CARD8: variants seen among roughly 807,000 people sequenced by gnomAD.
The protein encoded by CARD8 is caspase recruitment domain family member 8, also known as caspase recruitment domain-containing protein 8.
A neutral mutation model predicts 53.2 loss-of-function variants in CARD8; 38 were observed. The ratio of observed to expected loss-of-function variants is 0.71; its 90% CI spans 0.55 to 0.94. The LOEUF is 0.94. CARD8 is among the 40% of genes least tolerant of loss of function. The pLI, the probability that CARD8 is intolerant of heterozygous loss-of-function variation, is 0.00. For synonymous variants in CARD8, 245 were observed against 244.9 expected (o/e 1.00, Z 0.00); for missense variants, 561 against 655.5 (o/e 0.86, Z 1.57).
intron 12 of CARD8, among the ~76,000 whole-genome samples, chr19:48,218,008 T>C (rs915868587): frequency 4.6e-5 from 7 of 152,226 alleles, no homozygotes; most frequent in African/African-American, 1.7e-4. Context: ...TTATGTTTCT[T>C]CTGACTCTTA....
rs534991735 is a variant in CARD8, at chr19:48,243,307, CT to C, written c.-43-2245del. 3.6e-3 allele frequency among the ~76,000 whole-genome samples: 554 copies of C among 152,312 alleles called. 6 individuals carry two copies. Among genetic ancestry groups the C allele is most frequent in the African/African-American group, 0.012 (485 of 41,576 alleles). On this transcript the variant is annotated intron_variant, in intron 3 of 13. Coordinates refer to ENST00000651546, the MANE Select transcript of CARD8 (RefSeq NM_001184900.3). ...GGATTACAGACGTGAGCCATTGCCCCTGGCCCAGAGAAATAATCTAAAGATT... is the reference window on the plus strand; with the variant it reads ...GGATTACAGACGTGAGCCATTGCCCCGGCCCAGAGAAATAATCTAAAGATT...
intron 13 of CARD8, among the ~76,000 whole-genome samples, chr19:48,213,849 C>G (rs2038586154): frequency 1.3e-5 from 2 of 152,208 alleles, no homozygotes; most frequent in Admixed American, 1.3e-4. Context: ...GAAGAGCCAA[C>G]ACATTGTTAT....
At chr19:48,234,107 T>A in intron 6 of CARD8, 1 of 254,280 alleles carries the variant, frequency 3.9e-6, no homozygotes, top group Non-Finnish European at 7.5e-6. Flanking sequence ...GCCAGTTTCC[T>A]AGAGAATTAG....
Position 48,241,031 on chromosome 19 carries a change from T to A in CARD8, c.-11A>T. 6.5e-7 allele frequency: 1 copy of A among 1,533,634 alleles called. No individual in the cohort carries two copies. Among genetic ancestry groups the A allele is most frequent in the African/African-American group, 1.4e-5 (1 of 73,068 alleles). ...CTCCTTTTTTTCCATTTGTCAAATG[T>A]GGTATTTATGTCTTTACTGTATCTT... is the stretch of plus-strand genomic sequence containing the variant. On this transcript the variant is annotated 5_prime_UTR_variant, in exon 4 of 14. Transcript: ENST00000651546.
At chr19:48,255,093 C>T (rs1568973988) in intron 1 of CARD8, among the ~76,000 whole-genome samples, 1 of 152,140 alleles carries the variant, frequency 6.6e-6, no homozygotes, top group Admixed American at 6.5e-5. Flanking sequence ...TCCGGCTGGG[C>T]GCAGTGGCTC....
chr19:48,204,085 G>T (rs1034385653), downstream of CARD8: 16 of 446,968 alleles, frequency 3.6e-5, no homozygotes, highest in Non-Finnish European at 7.2e-5. Flanking sequence ...GCTGAGCATT[G>T]TGGGGCCCGC....
At chr19:48,204,642 T>G (rs75669848), downstream of CARD8, among the ~76,000 whole-genome samples, 6 of 152,252 alleles carry the variant, frequency 3.9e-5, no homozygotes, top group East Asian at 1.2e-3. Flanking sequence ...GATGTGACTA[T>G]AGACGGAATT....
chr19:48,206,354 A>G (rs1258430295), downstream of CARD8: 1 of 434,870 alleles, frequency 2.3e-6, no homozygotes, highest in African/African-American at 2.0e-5. Context: ...ATAATGAAAT[A>G]AAACTCAGCA....
intron 3 of CARD8, among the ~76,000 whole-genome samples, chr19:48,248,134 T>C (rs1365221269): frequency 2.6e-5 from 4 of 152,188 alleles, no homozygotes; most frequent in Admixed American, 2.6e-4. Context: ...CAAAATTACA[T>C]TCTTTAAAGT....
Position 48,253,651 on chromosome 19 carries a change from G to A in CARD8, c.-252+2141C>T, listed in dbSNP as rs73061229. Among the ~76,000 whole-genome samples the A allele has an allele frequency of 8.5e-3, 1,292 of 152,238 alleles. 6 individuals are homozygous for A. Among genetic ancestry groups the A allele is most frequent in the Non-Finnish European group, 0.015 (998 of 68,018 alleles). ...AAAATGTAATCAATGGGGAGCAGGT[G>A]CACCTCCAATAATATTAGACAAAAT... On this transcript the variant is annotated intron_variant, in intron 1 of 13. Transcript: ENST00000651546.
chr19:48,249,192 G>A (rs557658802), intron 3 of CARD8, among the ~76,000 whole-genome samples: 80 of 149,168 alleles, frequency 5.4e-4, no homozygotes, highest in African/African-American at 1.9e-3. Context: ...ACGAGACTCC[G>A]TCTCAAAAAA....
intron 13 of CARD8, among the ~76,000 whole-genome samples, chr19:48,212,385 G>A (rs966833388): frequency 6.6e-6 from 1 of 152,184 alleles, no homozygotes; most frequent in African/African-American, 2.4e-5. Context: ...GGATTCAGCT[G>A]GATCCCCAAA....
At chr19:48,227,085 C>G (rs2041928318) in intron 10 of CARD8, among the ~76,000 whole-genome samples, 1 of 117,122 alleles carries the variant, frequency 8.5e-6, no homozygotes, top group African/African-American at 3.3e-5. Flanking sequence ...AAGACTCCGT[C>G]TCAAAAAAAA....
chr19:48,208,059 CAAAT>C (rs1261399148), downstream of CARD8: 1 of 152,038 alleles, frequency 6.6e-6, no homozygotes, highest in East Asian at 1.9e-4. Context: ...TTAGCATCCT[CAAAT>C]AAATCAATTT....
chr19:48,220,494 C>A (rs779837234), intron 11 of CARD8, among the ~76,000 whole-genome samples: 3 of 152,290 alleles, frequency 2.0e-5, no homozygotes, highest in South Asian at 2.1e-4. Flanking sequence ...CTTGAAATCA[C>A]TGGGATGTGT....
At chr19:48,221,382 T>C (rs1399008121) in intron 11 of CARD8, among the ~76,000 whole-genome samples, 4 of 152,170 alleles carry the variant, frequency 2.6e-5, no homozygotes, top group East Asian at 1.9e-4. Flanking sequence ...TAACATAAAA[T>C]CAGCTCTTCC....
At chr19:48,232,356 C>A (rs747558093) in intron 7 of CARD8, 97 bp downstream of exon 7, 263 of 1,172,878 alleles carry the variant, frequency 2.2e-4, no homozygotes, top group Non-Finnish European at 3.0e-4. Flanking sequence ...CACTCCTGAT[C>A]TGCACAAAAG....
At chr19:48,228,404 A>G (rs1023414602) in intron 10 of CARD8, among the ~76,000 whole-genome samples, 1 of 152,152 alleles carries the variant, frequency 6.6e-6, no homozygotes, top group Non-Finnish European at 1.5e-5. Flanking sequence ...CTGTTATAGA[A>G]GAGTGTTTCC....
chr19:48,254,097 A>G (rs2047281025), intron 1 of CARD8, among the ~76,000 whole-genome samples: 1 of 152,206 alleles, frequency 6.6e-6, no homozygotes, highest in Admixed American at 6.5e-5. Flanking sequence ...ATATATGTAC[A>G]ATGAGTTATA....
Sources: allele counts gnomAD v4.1 joint callset (sites outside exome capture counted in the v4.1 genomes callset), GRCh38; gene constraint gnomAD v4.1.1; transcripts MANE v1.5; gene names NCBI Gene and HGNC (gene_info 2026-07-23, HGNC 2026-07-21).